The following ANO1 variants were observed in gnomAD, a reference collection of about 807,000 sequenced individuals.
ANO1 encodes anoctamin-1.
ANO1 carries 59 observed loss-of-function variants against 124.0 expected under a neutral mutation model. The observed-to-expected ratio is 0.48, with a 90% CI of 0.39 to 0.59. The LOEUF is 0.59. Ranked by LOEUF, ANO1 falls within the 20% of genes least tolerant of loss-of-function variation. ANO1 has a pLI of 0.00. For missense variants in ANO1, 1,059 were observed against 1,328.0 expected, an observed-to-expected ratio of 0.80 and a Z score of 3.15; for synonymous variants, 529 against 532.0, an observed-to-expected ratio of 0.99 and a Z score of 0.08.
chr11:70,095,251 G>T (rs2044805833), intron 2 of ANO1, among the ~76,000 whole-genome samples: 1 of 33,916 alleles, frequency 2.9e-5, no homozygotes. Flanking sequence ...GAAAAAGAAA[G>T]GAAGGAAGGA....
At chr11:70,007,203 C>T (rs1483190708) in intron 1 of ANO1, among the ~76,000 whole-genome samples, 1 of 151,854 alleles carries the variant, frequency 6.6e-6, no homozygotes, top group Non-Finnish European at 1.5e-5. Context: ...CTGTATCTGA[C>T]TTACTTCACT....
intron 11 of ANO1, among the ~76,000 whole-genome samples, chr11:70,141,382 G>A (rs912031157): frequency 2.6e-5 from 4 of 152,172 alleles, no homozygotes; most frequent in African/African-American, 9.7e-5. Flanking sequence ...GGGGGACTCT[G>A]TGCCTGCTGA....
chr11:70,174,935 G>GAAAAT (rs1262856957), intron 22 of ANO1, among the ~76,000 whole-genome samples: 25 of 151,950 alleles, frequency 1.6e-4, no homozygotes, highest in Non-Finnish European at 5.9e-5. Context: ...GAAAAGAAAA[G>GAAAAT]AAAAGAAAAG....
intron 11 of ANO1, among the ~76,000 whole-genome samples, chr11:70,144,299 G>C (rs968702103): frequency 1.3e-5 from 2 of 152,156 alleles, no homozygotes; most frequent in African/African-American, 4.8e-5. Context: ...AGAGATGCGG[G>C]CCCTGCCCTG....
chr11:70,047,818 G>T (rs558219933), intron 1 of ANO1, among the ~76,000 whole-genome samples: 9 of 152,306 alleles, frequency 5.9e-5, no homozygotes, highest in Non-Finnish European at 1.0e-4. Context: ...CAGGGCAAAT[G>T]ACAAAAAGGA....
intron 11 of ANO1, among the ~76,000 whole-genome samples, chr11:70,135,630 C>G (rs7947936): frequency 0.54 from 81,557 of 151,974 alleles, 22,336 homozygotes; most frequent in Non-Finnish European, 0.61. Flanking sequence ...ATTCCTGGGT[C>G]CACAGAACTG....
intron 1 of ANO1, among the ~76,000 whole-genome samples, chr11:70,003,403 T>C (rs1214366224): frequency 4.6e-5 from 7 of 152,216 alleles, no homozygotes; most frequent in African/African-American, 1.7e-4. Flanking sequence ...CTTGGCAGCA[T>C]GTCGTCACCA....
chr11:69,994,117 T>C (rs1856214183), intron 1 of ANO1, among the ~76,000 whole-genome samples: 1 of 144,938 alleles, frequency 6.9e-6, no homozygotes, highest in African/African-American at 2.6e-5. Context: ...CCCCCCACAG[T>C]CACAGCTGGA....
intron 8 of ANO1, among the ~76,000 whole-genome samples, chr11:70,122,116 CTCTCTA>C (rs1304756196): frequency 1.5e-5 from 2 of 129,064 alleles, no homozygotes; most frequent in Non-Finnish European, 1.6e-5. Context: ...CTCTGTCTGT[CTCTCTA>C]TCTCTGTCTC....
intron 11 of ANO1, among the ~76,000 whole-genome samples, chr11:70,140,791 T>A (rs2047127393): frequency 6.6e-6 from 1 of 152,260 alleles, no homozygotes; most frequent in South Asian, 2.1e-4. Context: ...GGAATGCTTT[T>A]GTTCTCAACA....
intron 1 of ANO1, among the ~76,000 whole-genome samples, chr11:70,044,882 A>C (rs1429845904): frequency 6.6e-6 from 1 of 152,228 alleles, no homozygotes; most frequent in African/African-American, 2.4e-5. Context: ...TGGAAAAACA[A>C]GCTGTTAAAG....
At chr11:70,107,610 C>T (rs974687246) in intron 5 of ANO1, among the ~76,000 whole-genome samples, 1 of 152,098 alleles carries the variant, frequency 6.6e-6, no homozygotes, top group African/African-American at 2.4e-5. Flanking sequence ...CATAGCACGA[C>T]CAGTTCTTCT....
chr11:70,031,542 C>A (rs1287608701), intron 1 of ANO1, among the ~76,000 whole-genome samples: 1 of 152,186 alleles, frequency 6.6e-6, no homozygotes, highest in Non-Finnish European at 1.5e-5. Flanking sequence ...CTCTTTACTT[C>A]TGTGAGTTCA....
chr11:70,175,892 T>A (rs1232336045), intron 22 of ANO1, among the ~76,000 whole-genome samples: 1 of 152,166 alleles, frequency 6.6e-6, no homozygotes, highest in Non-Finnish European at 1.5e-5. Flanking sequence ...CAGCATCCCC[T>A]TTTACTTAGA....
At chr11:70,187,442 T>C (rs947766890) in intron 25 of ANO1, among the ~76,000 whole-genome samples, 4 of 152,212 alleles carry the variant, frequency 2.6e-5, no homozygotes, top group East Asian at 1.9e-4. Flanking sequence ...GATTTGGCGA[T>C]GTGTGATCCA....
rs1369916920 is a variant in ANO1 at position 70,132,030 on chromosome 11, C to T, written c.1209C>T (p.Leu403=). The part of the protein sequence containing the change: ...SACATARASH[L]FDNPATVFFS... ...GCGCCACGGCCCGCGCCAGCCACCT[C>T]TTCGACAACCCCGCCACGGTCTTCT... The change falls in exon 11 of 26, where the codon CTC becomes CTT. Residue 403 remains leucine (L), a synonymous_variant. Transcript: ENST00000355303. 1.6e-5 allele frequency: 25 copies of T among 1,604,028 alleles called. No individual in the cohort carries two copies. Among genetic ancestry groups the T allele is most frequent in the Non-Finnish European group, 2.1e-5 (25 of 1,177,356 alleles).
intron 1 of ANO1, among the ~76,000 whole-genome samples, chr11:70,069,793 A>C (rs567315798): frequency 6.6e-6 from 1 of 152,286 alleles, no homozygotes; most frequent in Admixed American, 6.5e-5. Context: ...GATGAGCTTA[A>C]AAATCTTAAA....
chr11:70,070,487 AGCCTGACCAACATG>A (rs1285552399), intron 1 of ANO1, among the ~76,000 whole-genome samples: 9 of 152,210 alleles, frequency 5.9e-5, no homozygotes, highest in African/African-American at 2.2e-4. Context: ...GTTCAAGACC[AGCCTGACCAACATG>A]GTGAAACCCG....
intron 1 of ANO1, among the ~76,000 whole-genome samples, chr11:69,998,591 A>G (rs782089851): frequency 1.3e-5 from 2 of 152,164 alleles, no homozygotes; most frequent in African/African-American, 4.8e-5. Context: ...GTGTGTTTTT[A>G]TATCTCTGAT....
Sources: allele counts gnomAD v4.1 joint callset (sites outside exome capture counted in the v4.1 genomes callset), GRCh38; gene constraint gnomAD v4.1.1; transcripts MANE v1.5; gene names NCBI Gene and HGNC (gene_info 2026-07-23, HGNC 2026-07-21).